The following DENND1A variants were observed in gnomAD, a reference collection of about 807,000 sequenced individuals.
The protein encoded by DENND1A is DENN domain-containing protein 1A.
A neutral mutation model predicts 113.7 loss-of-function variants in DENND1A; 51 were observed. That is an observed-to-expected ratio of 0.45 (90% CI 0.36 to 0.57). The LOEUF is 0.57. Ranked by LOEUF, DENND1A falls within the 20% of genes least tolerant of loss-of-function variation. DENND1A has a pLI of 0.00. For missense variants in DENND1A, 1,258 were observed against 1,395.9 expected (o/e 0.90, Z 1.57); for synonymous variants, 565 against 570.8 (o/e 0.99, Z 0.14).
Position 123,747,967 on chromosome 9 carries a change from T to TA in DENND1A, c.302+9735dup, listed in dbSNP as rs201410446. Among the ~76,000 whole-genome samples the TA allele has an allele frequency of 4.5e-3, 669 of 148,008 alleles. 5 individuals carry two copies. The highest frequency in any genetic ancestry group is 0.015 in the African/African-American group (630 of 40,656). On this transcript the variant is annotated intron_variant, in intron 5 of 23. Coordinates refer to ENST00000394215, the MANE Select transcript of DENND1A (RefSeq NM_001352964.2). ...TCAGGTAATAGCTCACATGTTAAGA[T>TA]AAAAAAAAAAGTTGAGTGTTTCTTT...
chr9:123,822,205 T>G (rs1838591482), intron 2 of DENND1A, among the ~76,000 whole-genome samples: 1 of 152,180 alleles, frequency 6.6e-6, no homozygotes, highest in African/African-American at 2.4e-5. Context: ...ATAAAGTCAC[T>G]AAAGCAATAA....
intron 21 of DENND1A, among the ~76,000 whole-genome samples, chr9:123,399,325 T>C (rs1336440766): frequency 6.6e-6 from 1 of 152,212 alleles, no homozygotes; most frequent in Non-Finnish European, 1.5e-5. Flanking sequence ...TCAGTTTTTC[T>C]GTCTGTTCAA....
At chr9:123,416,342 C>G (rs2044724912) in intron 19 of DENND1A, among the ~76,000 whole-genome samples, 1 of 152,152 alleles carries the variant, frequency 6.6e-6, no homozygotes, top group African/African-American at 2.4e-5. Context: ...GCTCAACACC[C>G]CCAGCTGGTA....
At chr9:123,408,239 T>G (rs1031341687) in intron 20 of DENND1A, among the ~76,000 whole-genome samples, 2 of 152,190 alleles carry the variant, frequency 1.3e-5, no homozygotes, top group Non-Finnish European at 2.9e-5. Flanking sequence ...GAGGCCCTTG[T>G]GGGTTCCATA....
At chr9:123,605,113 T>G (rs1388910032) in intron 11 of DENND1A, among the ~76,000 whole-genome samples, 1 of 152,154 alleles carries the variant, frequency 6.6e-6, no homozygotes, top group Non-Finnish European at 1.5e-5. Flanking sequence ...CTGCTCTACT[T>G]CACTGCCCCT....
chr9:123,457,719 G>C (rs2048235168), intron 14 of DENND1A, 74 bp downstream of exon 14: 1 of 1,416,576 alleles, frequency 7.1e-7, no homozygotes. Flanking sequence ...TGCGGCCTCA[G>C]TACTTAGAGT....
chr9:123,615,139 A>G (rs1192725769), intron 10 of DENND1A, among the ~76,000 whole-genome samples: 3 of 152,206 alleles, frequency 2.0e-5, no homozygotes, highest in Admixed American at 1.3e-4. Flanking sequence ...TAGGAGAGGA[A>G]GCCAGTAAGA....
At chr9:123,793,390 G>A (rs553771526) in intron 2 of DENND1A, among the ~76,000 whole-genome samples, 2 of 152,092 alleles carry the variant, frequency 1.3e-5, no homozygotes, top group Non-Finnish European at 2.9e-5. Flanking sequence ...ATACAGAAGT[G>A]AACAAATTAA....
rs138935781 is a variant in DENND1A at position 123,842,818 on chromosome 9, CT to C, written c.88+36132del. 4.3e-4 allele frequency among the ~76,000 whole-genome samples: 65 copies of C among 152,150 alleles called. No homozygotes were observed. In the East Asian group the frequency reaches 0.011, roughly 27 times the overall value. ...CCAAAAGCAAACAAATATAAGAAAA[CT>C]AAAAATGCAAAAATACTCAATATAT... On this transcript the variant is annotated intron_variant, in intron 2 of 23. Coordinates refer to ENST00000394215, the MANE Select transcript of DENND1A (RefSeq NM_001352964.2).
At chr9:123,755,131 T>G (rs1564203488) in intron 5 of DENND1A, among the ~76,000 whole-genome samples, 1 of 151,142 alleles carries the variant, frequency 6.6e-6, no homozygotes, top group East Asian at 1.9e-4. Context: ...ATTTTTTTTT[T>G]TTTTTTTTTG....
chr9:123,726,247 C>T (rs1472703930), intron 5 of DENND1A, among the ~76,000 whole-genome samples: 1 of 152,138 alleles, frequency 6.6e-6, no homozygotes, highest in African/African-American at 2.4e-5. Flanking sequence ...CAGAAGAAGT[C>T]ATTTTTACGA....
intron 1 of DENND1A, among the ~76,000 whole-genome samples, chr9:123,901,288 C>T (rs926899091): frequency 2.0e-5 from 3 of 152,058 alleles, no homozygotes; most frequent in Admixed American, 6.6e-5. Context: ...GGAACATCAG[C>T]GGAGAGATGA....
chr9:123,648,552 C>T (rs866289437), intron 9 of DENND1A, among the ~76,000 whole-genome samples: 11 of 152,174 alleles, frequency 7.2e-5, no homozygotes, highest in Admixed American at 2.6e-4. Context: ...TACTTATTTC[C>T]GATACTAATT....
chr9:123,539,522 A>G (rs113409221), intron 13 of DENND1A, among the ~76,000 whole-genome samples: 7 of 152,176 alleles, frequency 4.6e-5, no homozygotes, highest in Admixed American at 2.0e-4. Flanking sequence ...CATGAAATCA[A>G]GATAGTGGTT....
rs368054934 is a variant in DENND1A at position 123,383,875 on chromosome 9, G to A, written c.1799C>T (p.Ala600Val). The A allele has an allele frequency of 5.7e-5, 92 of 1,612,824 alleles. No individual in the cohort carries two copies. Among genetic ancestry groups the A allele is most frequent in the Admixed American group, 2.8e-4 (17 of 60,028 alleles). The change falls in exon 23 of 24, where the codon GCG becomes GTG. Residue 600 changes from alanine to valine, a missense_variant. By Grantham distance (64) the Ala-to-Val change is moderately conservative. Around this residue, in one of 2 missense-constraint regions of DENND1A, gnomAD observed 1,159 missense variants for 1,231.7 expected, o/e 0.94. Coordinates refer to ENST00000394215, the MANE Select transcript of DENND1A (RefSeq NM_001352964.2). Reference sequence around the variant, plus strand: ...TGGACTCTCTGCCTCGTCGCCTTCCGCGCTGTCTGACTCCCTGAGTGTCCG... The same window carrying A: ...TGGACTCTCTGCCTCGTCGCCTTCCACGCTGTCTGACTCCCTGAGTGTCCG... ...PYRTLRESDS[A>V]EGDEAESPEQ...
intron 10 of DENND1A, among the ~76,000 whole-genome samples, chr9:123,623,468 T>G (rs918195163): frequency 6.6e-6 from 1 of 150,898 alleles, no homozygotes; most frequent in Non-Finnish European, 1.5e-5. Context: ...TAATAAGAGA[T>G]AAGACTAAGA....
intron 10 of DENND1A, among the ~76,000 whole-genome samples, chr9:123,626,618 C>A (rs575613383): frequency 3.3e-5 from 5 of 152,238 alleles, no homozygotes; most frequent in Non-Finnish European, 1.5e-5. Context: ...AGCCCTCAAG[C>A]TTTCATTTGA....
intron 5 of DENND1A, among the ~76,000 whole-genome samples, chr9:123,699,688 C>CTTTTTTTTTT (rs34215948): frequency 1.1e-3 from 119 of 112,404 alleles, no homozygotes; most frequent in African/African-American, 1.7e-3. Context: ...TTCTTTCTTT[C>CTTTTTTTTTT]TTTTTTTTTT....
intron 3 of DENND1A, among the ~76,000 whole-genome samples, chr9:123,790,948 T>C (rs947651429): frequency 1.3e-5 from 2 of 152,218 alleles, no homozygotes; most frequent in Non-Finnish European, 2.9e-5. Flanking sequence ...TTTCATTCTT[T>C]TGTAAATTTA....
Sources: gnomAD v4.1 joint callset for allele counts (sites outside exome capture counted in the v4.1 genomes callset) on GRCh38, gnomAD v4.1.1 for gene constraint, gnomAD v4.1.1 regional missense constraint, MANE v1.5 for transcripts, NCBI Gene and HGNC (gene_info 2026-07-23, HGNC 2026-07-21) for gene names.